Variants in OXCT1 observed in about 807,000 individuals in gnomAD.
OXCT1 encodes 3-oxoacid CoA-transferase 1.
In OXCT1, 27 loss-of-function variants were observed where a neutral mutation model predicts 69.6. The ratio of observed to expected loss-of-function variants is 0.39; its 90% CI spans 0.29 to 0.54. The LOEUF is 0.54. Ranked by LOEUF, OXCT1 falls within the 20% of genes least tolerant of loss-of-function variation. The pLI is 0.72. For missense variants in OXCT1, 437 were observed against 650.2 expected (o/e 0.67, Z 3.57); for synonymous variants, 202 against 217.8 (o/e 0.93, Z 0.64).
chr5:41,754,835 G>T (rs891830532), intron 14 of OXCT1, among the ~76,000 whole-genome samples: 1 of 151,886 alleles, frequency 6.6e-6, no homozygotes, highest in Non-Finnish European at 1.5e-5. Flanking sequence ...TGTGGTTACA[G>T]GTATATTCTC....
intron 5 of OXCT1, among the ~76,000 whole-genome samples, chr5:41,848,708 T>C (rs1391403950): frequency 6.6e-6 from 1 of 151,704 alleles, no homozygotes; most frequent in Non-Finnish European, 1.5e-5. Flanking sequence ...TAATAAATGG[T>C]GCTGGGAAAA....
At chr5:41,760,931 A>G (rs13163137) in intron 14 of OXCT1, among the ~76,000 whole-genome samples, 35,858 of 151,994 alleles carry the variant, frequency 0.24, 4,431 homozygotes, top group Middle Eastern at 0.34. Flanking sequence ...CAGGGGAAGC[A>G]GGTGGGATGT....
chr5:41,756,746 T>C (rs1285347676), intron 14 of OXCT1, among the ~76,000 whole-genome samples: 1 of 152,076 alleles, frequency 6.6e-6, no homozygotes, highest in African/African-American at 2.4e-5. Context: ...AGAGTTCTGT[T>C]GTATATAATA....
Position 41,744,633 on chromosome 5 carries a change from C to T in OXCT1, c.1419+4894G>A, listed in dbSNP as rs57472589. Reference sequence around the variant, plus strand: ...AGATAGCTCTTATTATTTTGAGATACGTCCCATCAATACCTAATTTATTGA... The same window carrying T: ...AGATAGCTCTTATTATTTTGAGATATGTCCCATCAATACCTAATTTATTGA... On this transcript the variant is annotated intron_variant, in intron 15 of 16. Coordinates refer to ENST00000196371, the MANE Select transcript of OXCT1 (RefSeq NM_000436.4). 8.4e-3 allele frequency among the ~76,000 whole-genome samples: 1,275 copies of T among 152,092 alleles called. 21 individuals are homozygous for T. Among genetic ancestry groups the T allele is most frequent in the African/African-American group, 0.029 (1,217 of 41,474 alleles).
At chr5:41,856,182 G>A (rs1284905855) in intron 3 of OXCT1, among the ~76,000 whole-genome samples, 1 of 152,284 alleles carries the variant, frequency 6.6e-6, no homozygotes, top group African/African-American at 2.4e-5. Context: ...GAAGAGGCTC[G>A]AAGTAGTCCA....
chr5:41,732,987 G>T (rs768619991), intron 16 of OXCT1, among the ~76,000 whole-genome samples: 1 of 151,952 alleles, frequency 6.6e-6, no homozygotes, highest in African/African-American at 2.4e-5. Context: ...GAATAAATAA[G>T]AATAAACAAT....
chr5:41,786,904 AAG>A (rs1359251842), intron 13 of OXCT1, among the ~76,000 whole-genome samples: 2 of 152,210 alleles, frequency 1.3e-5, no homozygotes, highest in African/African-American at 4.8e-5. Flanking sequence ...CTGGAATTTG[AAG>A]AGAGATAATT....
At chr5:41,849,577 T>C (rs747551581) in intron 5 of OXCT1, among the ~76,000 whole-genome samples, 2 of 152,232 alleles carry the variant, frequency 1.3e-5, no homozygotes, top group Non-Finnish European at 2.9e-5. Context: ...ATGAACTCTC[T>C]ATTCTATCAT....
chr5:41,805,677 A>G lies in OXCT1; in HGVS notation c.845T>C (p.Leu282Ser), dbSNP rs1323780067. 1 of 1,581,658 alleles carries G rather than the reference A, an allele frequency of 6.3e-7. No homozygotes were observed. The highest frequency in any genetic ancestry group is 8.7e-7 in the Non-Finnish European group (1 of 1,150,658). Reference protein sequence around the residue: ...GEKYEKRIERLSIRKEGDGEA... With the variant: ...GEKYEKRIERSSIRKEGDGEA... ...CCCATCTCCCTCTTTCCGGATTGAT[A>G]AACGCTTTAAATTAAACAGAAATAA... The change falls in exon 9 of 17, where the codon TTA becomes TCA. Residue 282 changes from leucine (L) to serine (S), a missense_variant. By Grantham distance (145) the Leu-to-Ser change is moderately radical. This residue lies in a region of OXCT1 where 252 missense variants were observed against 397.4 expected (regional missense o/e 0.63). Coordinates refer to ENST00000196371, the MANE Select transcript of OXCT1 (RefSeq NM_000436.4).
intron 13 of OXCT1, among the ~76,000 whole-genome samples, chr5:41,785,150 T>A (rs1375216864): frequency 6.6e-6 from 1 of 152,224 alleles, no homozygotes. Context: ...ATTTGTTAAA[T>A]CACTGTATAA....
At chr5:41,850,322 T>C (rs1749120603) in intron 4 of OXCT1, 143 bp from the exon 5 acceptor site, 5 of 883,252 alleles carry the variant, frequency 5.7e-6, no homozygotes, top group Non-Finnish European at 9.0e-6. Context: ...ACTTCACTAA[T>C]ATTGTATGCT....
intron 15 of OXCT1, among the ~76,000 whole-genome samples, chr5:41,749,096 CT>C (rs1406830770): frequency 1.3e-5 from 2 of 152,092 alleles, no homozygotes; most frequent in African/African-American, 4.8e-5. Flanking sequence ...TCTTGGCTTA[CT>C]GTGGGGCCTA....
chr5:41,801,014 G>C lies in OXCT1; in HGVS notation c.1099+8C>G. 6.2e-7 allele frequency: 1 copy of C among 1,610,530 alleles called. No homozygotes were observed. Among genetic ancestry groups the C allele is most frequent in the South Asian group, 1.1e-5 (1 of 91,010 alleles). On this transcript the variant is annotated splice_region_variant and intron_variant, in intron 11 of 16. Coordinates refer to ENST00000196371, the MANE Select transcript of OXCT1 (RefSeq NM_000436.4). ...GCAAAGGGAAGGGCTAGAAATAAGT[G>C]AGCTTACCTGCATTGATGAGATCTG...
chr5:41,833,131 T>C (rs532242319), intron 7 of OXCT1, among the ~76,000 whole-genome samples: 1 of 152,084 alleles, frequency 6.6e-6, no homozygotes, highest in Non-Finnish European at 1.5e-5. Flanking sequence ...TAGAGAAAGA[T>C]AAACATTCAA....
rs1388776556 is a variant in OXCT1, at chr5:41,738,822, C to T, written c.1521+568G>A. 2.6e-5 allele frequency among the ~76,000 whole-genome samples: 4 copies of T among 152,130 alleles called. No homozygotes were observed. The East Asian group carries it at 7.7e-4, about 29-fold the overall frequency. ...TTTGGAGGTTTCTTAAACGGATACT[C>T]CCCTGACGTATTTATCTGCTTTGTA... On this transcript the variant is annotated intron_variant, in intron 16 of 16. Transcript: ENST00000196371.
At chr5:41,767,088 A>G (rs1744641705) in intron 13 of OXCT1, among the ~76,000 whole-genome samples, 1 of 152,142 alleles carries the variant, frequency 6.6e-6, no homozygotes, top group African/African-American at 2.4e-5. Context: ...AGAGTAGGAG[A>G]GAGGAAAACT....
intron 7 of OXCT1, among the ~76,000 whole-genome samples, chr5:41,827,988 C>T (rs1747890565): frequency 1.3e-5 from 2 of 152,164 alleles, no homozygotes; most frequent in African/African-American, 4.8e-5. Context: ...ATTTCTGTAG[C>T]TCTTGGAAAC....
chr5:41,849,955 T>C, intron 5 of OXCT1, 75 bp downstream of exon 5: 10 of 1,428,916 alleles, frequency 7.0e-6, no homozygotes, highest in Non-Finnish European at 9.9e-6. Flanking sequence ...TTTATACTTA[T>C]TTGCCCAATG....
intron 7 of OXCT1, among the ~76,000 whole-genome samples, chr5:41,820,200 A>G (rs1423160516): frequency 6.6e-6 from 1 of 152,232 alleles, no homozygotes; most frequent in African/African-American, 2.4e-5. Flanking sequence ...CTTGTCAAAG[A>G]TATTGAGTTA....
Sources: allele counts gnomAD v4.1 joint callset (sites outside exome capture counted in the v4.1 genomes callset), GRCh38; gene constraint gnomAD v4.1.1; regional missense constraint gnomAD v4.1.1; transcripts MANE v1.5; gene names NCBI Gene and HGNC (gene_info 2026-07-23, HGNC 2026-07-21).